The following CEMIP variants were observed in gnomAD, a reference collection of about 807,000 sequenced individuals.
CEMIP encodes cell migration inducing hyaluronidase 1, also known as cell migration-inducing and hyaluronan-binding protein.
Under a neutral mutation model 156.9 loss-of-function variants are expected in CEMIP, and 105 were observed. The ratio of observed to expected loss-of-function variants is 0.67; its 90% CI spans 0.57 to 0.79. The LOEUF (loss-of-function observed/expected upper bound fraction) is 0.79, where lower values mean the gene tolerates loss of function less well. Ranked by LOEUF, CEMIP falls within the 30% of genes least tolerant of loss-of-function variation. The probability of loss-of-function intolerance (pLI) is 0.00; values close to 1 mark genes in which losing one functional copy is unlikely to be tolerated. For missense variants in CEMIP, 1,457 were observed against 1,769.4 expected (o/e 0.82, Z 3.17); for synonymous variants, 676 against 668.4 (o/e 1.01, Z -0.17).
chr15:80,933,466 G>T lies in CEMIP; in HGVS notation c.3009+6G>T. 1 of 1,611,852 alleles carries T rather than the reference G, an allele frequency of 6.2e-7. No individual in the cohort carries two copies. The highest frequency in any genetic ancestry group is 1.3e-5 in the African/African-American group (1 of 75,010). On this transcript the variant is annotated splice_donor_region_variant and intron_variant, in intron 23 of 29. Transcript: ENST00000394685. ...GCAGTGGGTGCTATGCACAGGTGGGGACACCATTCTGGGGGCCGGCCACTC... is the reference window on the plus strand; with the variant it reads ...GCAGTGGGTGCTATGCACAGGTGGGTACACCATTCTGGGGGCCGGCCACTC...
At chr15:80,900,648 G>GTGTC (rs1567090991) in intron 12 of CEMIP, among the ~76,000 whole-genome samples, 48 of 111,892 alleles carry the variant, frequency 4.3e-4, no homozygotes, top group African/African-American at 1.4e-3. Context: ...GTGTGTGTGT[G>GTGTC]TCTGTGTGTG....
chr15:80,920,738 T>G (rs1900441832), intron 15 of CEMIP, among the ~76,000 whole-genome samples: 1 of 152,224 alleles, frequency 6.6e-6, no homozygotes, highest in African/African-American at 2.4e-5. Flanking sequence ...AGGGCTACTT[T>G]CCTGGGTTCT....
intron 1 of CEMIP, among the ~76,000 whole-genome samples, chr15:80,818,043 T>C (rs552446692): frequency 1.3e-5 from 2 of 152,300 alleles, no homozygotes; most frequent in South Asian, 2.1e-4. Flanking sequence ...GAGGATCCGA[T>C]GGAATGACTA....
intron 1 of CEMIP, among the ~76,000 whole-genome samples, chr15:80,857,954 C>A (rs1157030589): frequency 6.6e-6 from 1 of 152,054 alleles, no homozygotes; most frequent in African/African-American, 2.4e-5. Flanking sequence ...GTAGGAGCAG[C>A]ATGTGAAAAG....
intron 7 of CEMIP, among the ~76,000 whole-genome samples, chr15:80,886,029 G>A (rs894187199): frequency 5.9e-5 from 9 of 152,336 alleles, no homozygotes; most frequent in East Asian, 3.9e-4. Flanking sequence ...ACCCATTCAG[G>A]AAATGAACAC....
chr15:80,854,538 A>T (rs936777543), intron 1 of CEMIP, among the ~76,000 whole-genome samples: 2 of 152,348 alleles, frequency 1.3e-5, no homozygotes, highest in African/African-American at 4.8e-5. Context: ...GAGCATCCAC[A>T]TTTGTTTTCA....
intron 6 of CEMIP, among the ~76,000 whole-genome samples, chr15:80,881,726 C>T (rs948934310): frequency 2.0e-5 from 3 of 152,148 alleles, no homozygotes; most frequent in Non-Finnish European, 2.9e-5. Flanking sequence ...TGCAAAGTCA[C>T]TGAAAGTCTT....
Position 80,786,392 on chromosome 15 carries a change from T to G in CEMIP, c.-176+6778T>G, listed in dbSNP as rs149419164. On this transcript the variant is annotated intron_variant, in intron 1 of 29. Transcript: ENST00000394685. The stretch of plus-strand genomic sequence containing the variant: ...ACTAATTTTAGCTAATTTTTTGGAC[T>G]AATTTTAACATTTTTGTAAAGATGA... Among the ~76,000 whole-genome samples the G allele has an allele frequency of 4.8e-3, 736 of 152,236 alleles. 3 individuals carry two copies. Among genetic ancestry groups the G allele is most frequent in the African/African-American group, 0.017 (705 of 41,522 alleles).
chr15:80,895,770 G>A, intron 11 of CEMIP, 99 bp from the exon 12 acceptor site: 3 of 1,081,344 alleles, frequency 2.8e-6, no homozygotes, highest in South Asian at 2.6e-5. Flanking sequence ...GGCAAACCTG[G>A]CATTTAGTTA....
At position 80,949,474 on chromosome 15, in the gene CEMIP, C is replaced by CCT. The variant is rs2141770301; in HGVS notation, c.*553_*554dup. On this transcript the variant is annotated 3_prime_UTR_variant, in exon 30 of 30. Coordinates refer to ENST00000394685, the MANE Select transcript of CEMIP (RefSeq NM_001293298.2). ...ATCCTTGGGGAAGAGGCAAGCCCTG[C>CCT]CTCTGGCCGTGTCCACCTTTCAGGA... 1 of 184,470 alleles carries CCT rather than the reference C, an allele frequency of 5.4e-6. No homozygotes were observed. The highest frequency in any genetic ancestry group is 5.3e-5 in the Admixed American group (1 of 18,822). 11.4% of individuals were successfully genotyped at this position (184,470 alleles called of 1,614,324 possible). A position where few individuals can be genotyped will look rare whatever the true frequency, so the allele number is the denominator to read the frequency against.
In CEMIP at chr15:80,946,960, C is replaced by G. The variant is rs771662361; in HGVS notation, c.3858-5C>G. On this transcript the variant is annotated splice_region_variant and splice_polypyrimidine_tract_variant and intron_variant, in intron 28 of 29. Coordinates refer to ENST00000394685, the MANE Select transcript of CEMIP (RefSeq NM_001293298.2). ...CTCTGGTCTAATTGGTTTCTTCTCA[C>G]ACAGTTCCATAGTGCTTATGGCATC... is the stretch of plus-strand genomic sequence containing the variant. The G allele has an allele frequency of 3.6e-5, 57 of 1,604,318 alleles. No homozygotes were observed. The highest frequency in any genetic ancestry group is 4.6e-5 in the Non-Finnish European group (54 of 1,171,292).
At chr15:80,934,849 C>T (rs898505383) in intron 23 of CEMIP, among the ~76,000 whole-genome samples, 7 of 152,188 alleles carry the variant, frequency 4.6e-5, no homozygotes, top group Non-Finnish European at 7.3e-5. Context: ...GAGGGTGTTT[C>T]TCTCTGCAGT....
intron 10 of CEMIP, among the ~76,000 whole-genome samples, chr15:80,892,243 C>T (rs563500179): frequency 1.2e-4 from 19 of 152,222 alleles, no homozygotes; most frequent in African/African-American, 4.6e-4. Context: ...AGGACATTTG[C>T]AACCTAGGCA....
At chr15:80,888,382 C>T (rs1401298532) in intron 8 of CEMIP, among the ~76,000 whole-genome samples, 1 of 152,076 alleles carries the variant, frequency 6.6e-6, no homozygotes, top group Non-Finnish European at 1.5e-5. Flanking sequence ...CAGTAGTAGC[C>T]TCCTTTGCCC....
At chr15:80,911,572 T>G (rs1900055291) in intron 14 of CEMIP, among the ~76,000 whole-genome samples, 1 of 152,200 alleles carries the variant, frequency 6.6e-6, no homozygotes, top group South Asian at 2.1e-4. Flanking sequence ...AGTGTGGTTG[T>G]GTGGCTGTGC....
rs1222431847 is a variant in CEMIP, at chr15:80,843,454, G to A, written c.-175-30084G>A. 1.3e-5 allele frequency among the ~76,000 whole-genome samples: 2 copies of A among 152,234 alleles called. 1 individual carries two copies. The highest frequency in any genetic ancestry group is 4.8e-5 in the African/African-American group (2 of 41,446). ...CTGCCTCTGCTCAGAGACAGCTGAGGATATGGATGACAGTTCTGGCTGGAG... is the reference window on the plus strand; with the variant it reads ...CTGCCTCTGCTCAGAGACAGCTGAGAATATGGATGACAGTTCTGGCTGGAG... On this transcript the variant is annotated intron_variant, in intron 1 of 29. Transcript: ENST00000394685.
intron 1 of CEMIP, among the ~76,000 whole-genome samples, chr15:80,796,714 C>T (rs1250733894): frequency 2.6e-5 from 4 of 151,732 alleles, no homozygotes; most frequent in South Asian, 2.1e-4. Flanking sequence ...ATTAATCAAC[C>T]ACTCTACACC....
intron 12 of CEMIP, 143 bp downstream of exon 12, chr15:80,896,203 GA>G: frequency 1.2e-6 from 1 of 846,470 alleles, no homozygotes. Flanking sequence ...AAAACTTCAT[GA>G]CAGGTCTTTA....
At position 80,928,195 on chromosome 15, in the gene CEMIP, G is replaced by A. The variant is rs552326856; in HGVS notation, c.2421-707G>A. ...CCCCTGGGACACAGGAAGTGAAGGC[G>A]GCCACTGTATTTGGCCCTAGGGTCT... On this transcript the variant is annotated intron_variant, in intron 19 of 29. Coordinates refer to ENST00000394685, the MANE Select transcript of CEMIP (RefSeq NM_001293298.2). 8.5e-5 allele frequency among the ~76,000 whole-genome samples: 13 copies of A among 152,198 alleles called. No homozygotes were observed. In the Middle Eastern group the frequency reaches 0.01, roughly 119 times the overall value.
Sources: allele counts gnomAD v4.1 joint callset (sites outside exome capture counted in the v4.1 genomes callset), GRCh38; gene constraint gnomAD v4.1.1; transcripts MANE v1.5; gene names NCBI Gene and HGNC (gene_info 2026-07-23, HGNC 2026-07-21).